The following PDE3A variants were observed in gnomAD, a reference collection of about 807,000 sequenced individuals.
The protein encoded by PDE3A is phosphodiesterase 3A.
In PDE3A, 43 loss-of-function variants were observed where a neutral mutation model predicts 98.3. That is an observed-to-expected ratio of 0.44 (90% confidence interval 0.34 to 0.56). The LOEUF (loss-of-function observed/expected upper bound fraction) is 0.56. Among genes scored for constraint, PDE3A ranks in the 20% least tolerant of loss-of-function variants. PDE3A has a pLI of 0.01. For synonymous variants in PDE3A, 663 were observed against 567.9 expected (o/e 1.17, Z -2.38); for missense variants, 1,427 against 1,440.7 (o/e 0.99, Z 0.15).
intron 1 of PDE3A, chr12:20,449,767 C>A: frequency 4.1e-6 from 2 of 485,296 alleles, no homozygotes; most frequent in South Asian, 5.5e-5. Context: ...GGTCATTCAC[C>A]AGTGCTGTGA....
chr12:20,559,187 C>T (rs1942448523), intron 2 of PDE3A, among the ~76,000 whole-genome samples: 1 of 151,966 alleles, frequency 6.6e-6, no homozygotes, highest in East Asian at 1.9e-4. Flanking sequence ...TACACAAATA[C>T]CATTTGTTAC....
At chr12:20,579,929 C>A (rs2121338835) in intron 2 of PDE3A, among the ~76,000 whole-genome samples, 1 of 152,140 alleles carries the variant, frequency 6.6e-6, no homozygotes, top group Admixed American at 6.5e-5. Flanking sequence ...AAGAAAAGTA[C>A]CAACTGAAAG....
chr12:20,533,758 T>C (rs1941679590), intron 1 of PDE3A, among the ~76,000 whole-genome samples: 1 of 151,206 alleles, frequency 6.6e-6, no homozygotes, highest in South Asian at 2.1e-4. Flanking sequence ...AGTGCTGGGA[T>C]TACAGGCATG....
intron 1 of PDE3A, among the ~76,000 whole-genome samples, chr12:20,474,025 G>T (rs1945484946): frequency 6.6e-6 from 1 of 152,094 alleles, no homozygotes; most frequent in Non-Finnish European, 1.5e-5. Flanking sequence ...GTTAAATATG[G>T]TATGTGCTTG....
In PDE3A at chr12:20,505,810, A is replaced by T. The variant is rs570921020; in HGVS notation, c.961-50850A>T. On this transcript the variant is annotated intron_variant, in intron 1 of 15. Coordinates refer to ENST00000359062, the MANE Select transcript of PDE3A (RefSeq NM_000921.5). ...ACAGTGGTTTTCCAAGTTATTTTGT[A>T]GCAGAAGGCTTTTTGCAAGAAAATA... Among the ~76,000 whole-genome samples, 11 of 152,184 alleles carry T rather than the reference A, an allele frequency of 7.2e-5. No individual in the cohort carries two copies. The South Asian group carries it at 2.1e-3, about 29-fold the overall frequency.
At chr12:20,370,608 T>C (rs1487329929) in intron 1 of PDE3A, among the ~76,000 whole-genome samples, 1 of 152,116 alleles carries the variant, frequency 6.6e-6, no homozygotes, top group Non-Finnish European at 1.5e-5. Context: ...GCAGAAATTT[T>C]AGAATTAAGT....
chr12:20,601,316 A>G (rs781521947), intron 2 of PDE3A, among the ~76,000 whole-genome samples: 4 of 152,096 alleles, frequency 2.6e-5, no homozygotes, highest in Non-Finnish European at 4.4e-5. Context: ...GGAATATCCC[A>G]ATAGGCATTA....
intron 2 of PDE3A, among the ~76,000 whole-genome samples, chr12:20,585,555 C>G (rs1943172389): frequency 6.6e-6 from 1 of 152,152 alleles, no homozygotes; most frequent in African/African-American, 2.4e-5. Flanking sequence ...ACTGAGAGAC[C>G]TTTAGTAAGT....
intron 1 of PDE3A, among the ~76,000 whole-genome samples, chr12:20,518,938 A>T (rs1946372471): frequency 6.6e-6 from 1 of 152,182 alleles, no homozygotes; most frequent in Admixed American, 6.5e-5. Flanking sequence ...TGAATTTTTT[A>T]AAATTTGATT....
intron 2 of PDE3A, among the ~76,000 whole-genome samples, chr12:20,606,698 A>C (rs1247459059): frequency 6.6e-6 from 1 of 151,786 alleles, no homozygotes; most frequent in African/African-American, 2.4e-5. Flanking sequence ...GTCTCTACTA[A>C]AAATACAAAA....
chr12:20,420,076 G>T (rs1462078648), intron 1 of PDE3A, among the ~76,000 whole-genome samples: 2 of 152,102 alleles, frequency 1.3e-5, no homozygotes, highest in Non-Finnish European at 2.9e-5. Flanking sequence ...TAAAAATCAG[G>T]TGAAGAATAT....
At chr12:20,430,309 A>G in intron 1 of PDE3A, among the ~76,000 whole-genome samples, 1 of 151,792 alleles carries the variant, frequency 6.6e-6, no homozygotes, top group African/African-American at 2.4e-5. Context: ...AGGCCAAATG[A>G]TTTTTTTTTA....
intron 2 of PDE3A, among the ~76,000 whole-genome samples, chr12:20,576,224 A>G (rs745689881): frequency 1.5e-4 from 23 of 152,084 alleles, no homozygotes; most frequent in Non-Finnish European, 2.6e-4. Context: ...TATAAAATGA[A>G]TACTATTGAG....
chr12:20,385,503 G>A (rs187235252), intron 1 of PDE3A, among the ~76,000 whole-genome samples: 56 of 151,614 alleles, frequency 3.7e-4, no homozygotes, highest in African/African-American at 1.0e-3. Context: ...TGTTTATTGC[G>A]GCACTATTCA....
In PDE3A at chr12:20,369,698, T is replaced by G; in HGVS notation, c.414T>G (p.Ser138Arg). The change falls in exon 1 of 16, where the codon AGT becomes AGG. Residue 138 changes from serine (S) to arginine (R), a missense_variant. Around this residue, in one of 3 missense-constraint regions of PDE3A, gnomAD observed 1,012 missense variants for 886.5 expected, o/e 1.14. Coordinates refer to ENST00000359062, the MANE Select transcript of PDE3A (RefSeq NM_000921.5). ...PWLQPSALLF[S>R]LLCAFFWMGL... Reference sequence around the variant, plus strand: ...TGCAGCCCTCGGCGCTGCTCTTCAGTCTCCTGTGTGCCTTCTTCTGGATGG... The same window carrying G: ...TGCAGCCCTCGGCGCTGCTCTTCAGGCTCCTGTGTGCCTTCTTCTGGATGG... 2 of 1,611,800 alleles carry G rather than the reference T, an allele frequency of 1.2e-6. No individual in the cohort carries two copies. Among genetic ancestry groups the G allele is most frequent in the Non-Finnish European group, 1.7e-6 (2 of 1,179,606 alleles).
Position 20,541,075 on chromosome 12 carries a change from C to CTTTTTTTTTTTTT in PDE3A, c.961-15558_961-15546dup, listed in dbSNP as rs777927679. 3.8e-5 allele frequency among the ~76,000 whole-genome samples: 2 copies of CTTTTTTTTTTTTT among 52,986 alleles called. 1 individual carries two copies. Among genetic ancestry groups the CTTTTTTTTTTTTT allele is most frequent in the Non-Finnish European group, 7.0e-5 (2 of 28,688 alleles). 34.8% of individuals were successfully genotyped at this position (52,986 alleles called of 152,430 possible). ...AATTGACAAGGACATTGGTAACTTT[C>CTTTTTTTTTTTTT]TTTTTTTTTTTTTTTTTTTTTTTTT... On this transcript the variant is annotated intron_variant, in intron 1 of 15. Transcript: ENST00000359062.
intron 1 of PDE3A, among the ~76,000 whole-genome samples, chr12:20,469,557 T>C (rs1333341892): frequency 6.6e-6 from 1 of 152,198 alleles, no homozygotes; most frequent in Non-Finnish European, 1.5e-5. Context: ...GCATAGAAAC[T>C]GGCTACTTTG....
chr12:20,396,840 A>T (rs1220760222), intron 1 of PDE3A, among the ~76,000 whole-genome samples: 2 of 151,896 alleles, frequency 1.3e-5, no homozygotes, highest in East Asian at 3.9e-4. Flanking sequence ...ATCCTTTGCT[A>T]TGTTTGTAGC....
chr12:20,573,621 T>A (rs1180000204), intron 2 of PDE3A, among the ~76,000 whole-genome samples: 1 of 152,050 alleles, frequency 6.6e-6, no homozygotes, highest in Non-Finnish European at 1.5e-5. Context: ...TGTGCTATAT[T>A]CCCTTCCCCA....
Sources: gnomAD v4.1 joint callset for allele counts (sites outside exome capture counted in the v4.1 genomes callset) on GRCh38, gnomAD v4.1.1 for gene constraint, gnomAD v4.1.1 regional missense constraint, MANE v1.5 for transcripts, NCBI Gene and HGNC (gene_info 2026-07-23, HGNC 2026-07-21) for gene names.